The following FMN2 variants were observed in gnomAD, a reference collection of about 807,000 sequenced individuals.
FMN2 encodes formin 2, also known as formin-2.
In FMN2, 51 loss-of-function variants were observed where a neutral mutation model predicts 142.3. That is an observed-to-expected ratio of 0.36 (90% confidence interval 0.29 to 0.45). FMN2 has a LOEUF of 0.45. Ranked by LOEUF, FMN2 falls within the 20% of genes least tolerant of loss-of-function variation. The pLI, the probability that FMN2 is intolerant of heterozygous loss-of-function variation, is 1.00. For synonymous variants in FMN2, 882 were observed against 869.8 expected (o/e 1.01, Z -0.25); for missense variants, 1,936 against 2,122.8 (o/e 0.91, Z 1.73).
chr1:240,360,842 A>G (rs1672437959), intron 14 of FMN2, among the ~76,000 whole-genome samples: 5 of 152,006 alleles, frequency 3.3e-5, no homozygotes, highest in African/African-American at 1.2e-4. Context: ...GAAGCTGGAA[A>G]CCATCATTCT....
intron 5 of FMN2, among the ~76,000 whole-genome samples, chr1:240,209,766 A>G (rs371596373): frequency 6.6e-6 from 1 of 151,284 alleles, no homozygotes; most frequent in Non-Finnish European, 1.5e-5. Flanking sequence ...TAGCCGGGCG[A>G]GGTGGCGGGC....
At chr1:240,278,306 G>T (rs1391705741) in intron 7 of FMN2, among the ~76,000 whole-genome samples, 7 of 152,146 alleles carry the variant, frequency 4.6e-5, no homozygotes, top group Non-Finnish European at 8.8e-5. Flanking sequence ...CAAGGTCTGG[G>T]TGTCACAAAG....
intron 1 of FMN2, among the ~76,000 whole-genome samples, chr1:240,097,501 G>A (rs963494159): frequency 5.9e-5 from 9 of 151,790 alleles, no homozygotes; most frequent in African/African-American, 1.7e-4. Flanking sequence ...GACTACAGGC[G>A]CCCACCACCA....
rs748542138 is a variant in FMN2, at chr1:240,208,081, C to T, written c.3269C>T (p.Pro1090Leu). The change falls in exon 5 of 18, where the codon CCT (proline) becomes CTT (leucine). Residue 1090 changes from proline (P) to leucine (L), a missense_variant. Pro to Leu is a moderately conservative substitution (Grantham distance 98, BLOSUM62 -3). Around this residue, in one of 8 missense-constraint regions of FMN2, gnomAD observed 56 missense variants for 111.8 expected, o/e 0.50. Coordinates refer to ENST00000319653, the MANE Select transcript of FMN2 (RefSeq NM_020066.5). ...LPGAGIPPPPPLPGAGIPPPP... is the reference protein window; with the variant it reads ...LPGAGIPPPPLLPGAGIPPPP... ...GGAGCGGGCATACCCCCACCTCCCCCTCTACCCGGAGCGGGCATACCCCCT... is the reference window on the plus strand; with the variant it reads ...GGAGCGGGCATACCCCCACCTCCCCTTCTACCCGGAGCGGGCATACCCCCT... The T allele has an allele frequency of 5.0e-6, 4 of 802,356 alleles. No homozygotes were observed. In the South Asian group the frequency reaches 5.7e-5, roughly 12 times the overall value. The allele number at this position is 802,356 out of a possible 1,614,324, so 49.7% of individuals were successfully genotyped here.
intron 8 of FMN2, among the ~76,000 whole-genome samples, chr1:240,304,211 G>A (rs1219721976): frequency 7.2e-5 from 11 of 152,020 alleles, no homozygotes; most frequent in Non-Finnish European, 1.5e-5. Context: ...TTTGAATGGT[G>A]CATACTTTTG....
chr1:240,423,427 AT>A (rs1238186085), intron 15 of FMN2, among the ~76,000 whole-genome samples: 3 of 152,354 alleles, frequency 2.0e-5, no homozygotes, highest in Non-Finnish European at 4.4e-5. Flanking sequence ...GCAATGGAAG[AT>A]TTATGATGAT....
At chr1:240,180,711 C>A (rs376925692) in intron 3 of FMN2, among the ~76,000 whole-genome samples, 1 of 151,574 alleles carries the variant, frequency 6.6e-6, no homozygotes, top group East Asian at 2.0e-4. Flanking sequence ...GGATTACATG[C>A]GCCCAACACC....
chr1:240,386,246 G>T (rs1415578670), intron 14 of FMN2, among the ~76,000 whole-genome samples: 1 of 152,174 alleles, frequency 6.6e-6, no homozygotes, highest in Non-Finnish European at 1.5e-5. Context: ...CTTTAAATGA[G>T]TCAGAAGAAA....
intron 15 of FMN2, among the ~76,000 whole-genome samples, chr1:240,431,423 T>TATATATATATATATACAC (rs1491221486): frequency 7.6e-6 from 1 of 130,950 alleles, no homozygotes; most frequent in African/African-American, 2.8e-5. Flanking sequence ...TATATATATA[T>TATATATATATATATACAC]ACATATATAT....
intron 6 of FMN2, among the ~76,000 whole-genome samples, chr1:240,214,464 T>C (rs906389104): frequency 5.5e-5 from 8 of 146,750 alleles, no homozygotes; most frequent in Admixed American, 2.1e-4. Flanking sequence ...GGCAGGAGAA[T>C]GGCGTGAACC....
intron 2 of FMN2, among the ~76,000 whole-genome samples, chr1:240,167,529 A>C (rs1039865009): frequency 6.6e-6 from 1 of 152,048 alleles, no homozygotes; most frequent in Non-Finnish European, 1.5e-5. Context: ...TACATTTGTC[A>C]TTTTACATTT....
intron 4 of FMN2, among the ~76,000 whole-genome samples, chr1:240,201,114 C>T (rs1666106347): frequency 6.6e-6 from 1 of 152,116 alleles, no homozygotes; most frequent in Non-Finnish European, 1.5e-5. Flanking sequence ...CCTCAATTAT[C>T]AAGTTGTTTA....
At chr1:240,180,759 G>T (rs190405256) in intron 3 of FMN2, among the ~76,000 whole-genome samples, 153 of 151,740 alleles carry the variant, frequency 1.0e-3, no homozygotes, top group Admixed American at 4.1e-3. Flanking sequence ...TAGAGACAGG[G>T]TTTCACCATG....
intron 7 of FMN2, chr1:240,285,099 T>C (rs1669539343): frequency 2.7e-6 from 1 of 366,526 alleles, no homozygotes; most frequent in Non-Finnish European, 5.7e-6. Flanking sequence ...TTACCCTGTT[T>C]TTTGTTTGAA....
chr1:240,457,672 T>C (rs544816422), intron 16 of FMN2: 1 of 152,140 alleles, frequency 6.6e-6, no homozygotes, highest in African/African-American at 2.4e-5. Flanking sequence ...GATGAGGGAA[T>C]AAGCTAATGG....
chr1:240,377,793 A>G (rs1020259858), intron 14 of FMN2, among the ~76,000 whole-genome samples: 1 of 152,140 alleles, frequency 6.6e-6, no homozygotes, highest in African/African-American at 2.4e-5. Context: ...ATGCAATTTA[A>G]TTCCCCCTTA....
intron 16 of FMN2, chr1:240,457,865 A>C (rs1031315159): frequency 1.3e-5 from 2 of 152,296 alleles, no homozygotes; most frequent in African/African-American, 4.8e-5. Flanking sequence ...AAGTGAGGTC[A>C]GGCCTTTAAG....
rs1036879073 is a variant in FMN2, at chr1:240,416,371, G to A, written c.4911-21690G>A. ...CACCTCCTGGGTTCAAGCGATTCTC[G>A]TGCCTCAGCCTCCCAAGTAACTGGG... On this transcript the variant is annotated intron_variant, in intron 15 of 17. Transcript: ENST00000319653. Among the ~76,000 whole-genome samples, 4 of 149,246 alleles carry A rather than the reference G, an allele frequency of 2.7e-5. No homozygotes were observed. The South Asian group carries it at 6.3e-4, about 24-fold the overall frequency.
chr1:240,252,772 G>A (rs1668317618), intron 6 of FMN2, among the ~76,000 whole-genome samples: 1 of 151,524 alleles, frequency 6.6e-6, no homozygotes, highest in African/African-American at 2.4e-5. Flanking sequence ...TCTATTTGGG[G>A]ATTTCTGACC....
Sources: allele counts gnomAD v4.1 joint callset (sites outside exome capture counted in the v4.1 genomes callset), GRCh38; gene constraint gnomAD v4.1.1; regional missense constraint gnomAD v4.1.1; transcripts MANE v1.5; gene names NCBI Gene and HGNC (gene_info 2026-07-23, HGNC 2026-07-21).